Variants in MCHR2 observed in about 807,000 individuals in gnomAD.
The protein encoded by MCHR2 is melanin concentrating hormone receptor 2.
MCHR2 carries 15 observed loss-of-function variants against 24.8 expected under a neutral mutation model. That is an observed-to-expected ratio of 0.60 (90% CI 0.40 to 0.93). MCHR2 has a LOEUF of 0.93. MCHR2 is among the 40% of genes least tolerant of loss of function. The pLI is 0.00. For missense variants in MCHR2, 386 were observed against 408.7 expected (o/e 0.94, Z 0.48); for synonymous variants, 151 against 147.6 (o/e 1.02, Z -0.17).
chr6:99,975,839 T>C (rs1433360645), intron 1 of MCHR2, among the ~76,000 whole-genome samples: 8 of 152,258 alleles, frequency 5.3e-5, no homozygotes, highest in Non-Finnish European at 1.2e-4. Flanking sequence ...CTGAACTTTA[T>C]GATAATTCTT....
In MCHR2 at chr6:99,920,959, G is replaced by T. The variant is rs139088229; in HGVS notation, c.1004C>A (p.Thr335Asn). ...ACTTTCCTAAAAGTGTGATTTCAGAGTGTTTCCCATATTGTTGATTTCCTT... is the reference window on the plus strand; with the variant it reads ...ACTTTCCTAAAAGTGTGATTTCAGATTGTTTCCCATATTGTTGATTTCCTT... ...TEKEINNMGN[T>N]LKSHF Residue 335 changes from threonine to asparagine, a missense_variant, in exon 6 of 6, where the codon ACT (threonine) becomes AAT (asparagine). Physicochemically the swap from Thr to Asn is moderately conservative, Grantham distance 65. Transcript: ENST00000281806. 3 of 1,613,948 alleles carry T rather than the reference G, an allele frequency of 1.9e-6. No homozygotes were observed. The African/African-American group carries it at 4.0e-5, about 22-fold the overall frequency.
Position 99,934,435 on chromosome 6 carries a change from T to G in MCHR2, c.670A>C (p.Thr224Pro). The change falls in exon 5 of 6, where the codon ACT becomes CCT. Residue 224 changes from threonine (T) to proline (P), a missense_variant. Physicochemically the swap from Thr to Pro is conservative, Grantham distance 38. Coordinates refer to ENST00000281806, the MANE Select transcript of MCHR2 (RefSeq NM_001040179.2). ...TTATTCTGTTGATACATCTCCCAAGTATAGCATAAAATTAAAATATAGCAC... is the reference window on the plus strand; with the variant it reads ...TTATTCTGTTGATACATCTCCCAAGGATAGCATAAAATTAAAATATAGCAC... The part of the protein sequence containing the change: ...LVCYILILCY[T>P]WEMYQQNKDA... The G allele has an allele frequency of 6.2e-7, 1 of 1,603,262 alleles. No individual in the cohort carries two copies. The highest frequency in any genetic ancestry group is 8.5e-7 in the Non-Finnish European group (1 of 1,176,316).
chr6:99,984,411 C>CA (rs1473408349), intron 1 of MCHR2, among the ~76,000 whole-genome samples: 3 of 149,798 alleles, frequency 2.0e-5, no homozygotes, highest in Admixed American at 6.7e-5. Context: ...CCCTCCCCCC[C>CA]ACCCCCGTCT....
rs1390520481 is a variant in MCHR2 at position 99,947,745 on chromosome 6, CAA to C, written c.392+15_392+16del. The C allele has an allele frequency of 9.3e-6, 15 of 1,608,608 alleles. No homozygotes were observed. In the East Asian group the frequency reaches 1.3e-4, roughly 14 times the overall value. On this transcript the variant is annotated intron_variant, in intron 3 of 5. Transcript: ENST00000281806. The stretch of plus-strand genomic sequence containing the variant: ...ACCTCTGAATTATATTAAGATATTT[CAA>C]AGTCTTTCACTTACCTGTCCACACT...
At chr6:99,962,583 A>G (rs931074994) in intron 1 of MCHR2, among the ~76,000 whole-genome samples, 1 of 152,154 alleles carries the variant, frequency 6.6e-6, no homozygotes, top group African/African-American at 2.4e-5. Context: ...CTTGCACTAC[A>G]CACAAAAATT....
In MCHR2 at chr6:99,978,420, G is replaced by GTTTTTT. The variant is rs3996890; in HGVS notation, c.-28+15510_-28+15515dup. Among the ~76,000 whole-genome samples, 44 of 104,150 alleles carry GTTTTTT rather than the reference G, an allele frequency of 4.2e-4. 6 individuals carry two copies. The highest frequency in any genetic ancestry group is 5.1e-4 in the Admixed American group (4 of 7,810). The allele number at this position is 104,150 out of a possible 152,430, so 68.3% of individuals were successfully genotyped here. On this transcript the variant is annotated intron_variant, in intron 1 of 5. Coordinates refer to ENST00000281806, the MANE Select transcript of MCHR2 (RefSeq NM_001040179.2). ...GAAGAGGCTATGGGAGGTCAAGACA[G>GTTTTTT]TTTTTTTTTTTTTTTTTTTTGAGAC...
intron 1 of MCHR2, among the ~76,000 whole-genome samples, chr6:99,971,399 T>C (rs1775416330): frequency 6.6e-6 from 1 of 152,138 alleles, no homozygotes; most frequent in African/African-American, 2.4e-5. Context: ...GTGATTTTTG[T>C]ACATTGATTT....
chr6:99,945,883 G>A (rs565707215), intron 3 of MCHR2, among the ~76,000 whole-genome samples: 2 of 152,150 alleles, frequency 1.3e-5, no homozygotes, highest in South Asian at 2.1e-4. Context: ...AAGATACCAC[G>A]CCTGCATGTG....
intron 1 of MCHR2, among the ~76,000 whole-genome samples, chr6:99,993,466 G>T (rs1382524292): frequency 1.3e-5 from 2 of 152,140 alleles, no homozygotes; most frequent in African/African-American, 4.8e-5. Flanking sequence ...CCTGGAGGAA[G>T]AACTGAATTT....
chr6:99,976,573 T>C (rs977353125), intron 1 of MCHR2, among the ~76,000 whole-genome samples: 4 of 152,226 alleles, frequency 2.6e-5, no homozygotes, highest in Non-Finnish European at 5.9e-5. Context: ...GTCAAGCTAC[T>C]CCAGGTGTGG....
rs1003125154 is a variant in MCHR2, at chr6:99,962,623, A to G, written c.-27-6449T>C. On this transcript the variant is annotated intron_variant, in intron 1 of 5. Transcript: ENST00000281806. The stretch of plus-strand genomic sequence containing the variant: ...CAAAATAGGTTAAAGACTTAAATGT[A>G]TGACCAGAAATGTAAAACTCCTCGA... Among the ~76,000 whole-genome samples the G allele has an allele frequency of 3.3e-5, 5 of 152,302 alleles. No individual in the cohort carries two copies. The East Asian group carries it at 9.6e-4, about 29-fold the overall frequency.
intron 1 of MCHR2, among the ~76,000 whole-genome samples, chr6:99,975,503 C>T (rs1775530436): frequency 6.6e-6 from 1 of 152,202 alleles, no homozygotes. Context: ...AAGGGAACTC[C>T]CTGACCCCTT....
chr6:99,968,019 TA>T (rs1463972981), intron 1 of MCHR2, among the ~76,000 whole-genome samples: 1 of 152,222 alleles, frequency 6.6e-6, no homozygotes, highest in East Asian at 1.9e-4. Flanking sequence ...ACCTATCTCA[TA>T]CTGAGGTTGT....
intron 5 of MCHR2, among the ~76,000 whole-genome samples, chr6:99,924,132 T>TTG (rs1202390458): frequency 6.6e-6 from 1 of 152,144 alleles, no homozygotes; most frequent in Non-Finnish European, 1.5e-5. Flanking sequence ...TGGTTCAATC[T>TTG]TGGTAGGTTA....
chr6:99,983,027 C>T (rs993332171), intron 1 of MCHR2, among the ~76,000 whole-genome samples: 2 of 152,142 alleles, frequency 1.3e-5, no homozygotes, highest in African/African-American at 4.8e-5. Flanking sequence ...GTGGTGCAAT[C>T]ACGGCTCACT....
intron 1 of MCHR2, among the ~76,000 whole-genome samples, chr6:99,960,463 C>T (rs538247708): frequency 4.7e-4 from 71 of 152,076 alleles, no homozygotes; most frequent in Non-Finnish European, 8.1e-4. Flanking sequence ...ACTTTCTTCA[C>T]AGAATTGGAA....
intron 1 of MCHR2, among the ~76,000 whole-genome samples, chr6:99,974,599 G>T (rs1775508896): frequency 1.3e-5 from 2 of 152,212 alleles, no homozygotes; most frequent in Non-Finnish European, 2.9e-5. Context: ...TCCGTTGCTG[G>T]TAAGGAGCTG....
At chr6:99,987,978 A>C (rs1775800562) in intron 1 of MCHR2, among the ~76,000 whole-genome samples, 1 of 152,212 alleles carries the variant, frequency 6.6e-6, no homozygotes. Context: ...GTTAAAAATC[A>C]TTAGGGATTA....
intron 5 of MCHR2, among the ~76,000 whole-genome samples, chr6:99,927,619 A>T (rs1043048748): frequency 2.4e-4 from 36 of 152,022 alleles, no homozygotes; most frequent in African/African-American, 8.5e-4. Context: ...GAGTTCACTC[A>T]TGATTTGGCT....
Sources: allele counts gnomAD v4.1 joint callset (sites outside exome capture counted in the v4.1 genomes callset), GRCh38; gene constraint gnomAD v4.1.1; transcripts MANE v1.5; gene names NCBI Gene and HGNC (gene_info 2026-07-23, HGNC 2026-07-21).